Variants in PPARGC1A observed in about 807,000 individuals in gnomAD.
PPARGC1A encodes the protein peroxisome proliferator-activated receptor gamma coactivator 1-alpha.
In PPARGC1A, 25 loss-of-function variants were observed where a neutral mutation model predicts 88.7. That is an observed-to-expected ratio of 0.28 (90% CI 0.21 to 0.39). The LOEUF is 0.39. Ranked by LOEUF, PPARGC1A falls within the 10% of genes least tolerant of loss-of-function variation. The probability of loss-of-function intolerance (pLI) is 1.00; values close to 1 mark genes in which losing one functional copy is unlikely to be tolerated. For missense variants in PPARGC1A, 880 were observed against 968.7 expected, an observed-to-expected ratio of 0.91 and a Z score of 1.22; for synonymous variants, 363 against 355.6, an observed-to-expected ratio of 1.02 and a Z score of -0.24.
At chr4:24,091,534 C>A in the PPARGC1A span, 1 of 985,226 alleles carries the variant, frequency 1.0e-6, no homozygotes, top group Non-Finnish European at 1.2e-6. Flanking sequence ...AGGTCTCATC[C>A]ATTGCTGATG....
chr4:24,188,448 C>T, the PPARGC1A span, among the ~76,000 whole-genome samples: 16 of 152,182 alleles, frequency 1.1e-4, no homozygotes, highest in Non-Finnish European at 1.5e-5. Context: ...TATGTAATAC[C>T]GCTGAACTAT....
chr4:23,795,692 G>GTTTTTT lies in PPARGC1A; in HGVS notation c.*129_*130insAAAAAA. The GTTTTTT allele has an allele frequency of 1.6e-6, 1 of 620,722 alleles. No homozygotes were observed. The highest frequency in any genetic ancestry group is 2.9e-5 in the East Asian group (1 of 34,134). The allele number at this position is 620,722 out of a possible 1,614,324, so 38.5% of individuals were successfully genotyped here. On this transcript the variant is annotated 3_prime_UTR_variant, in exon 13 of 13. Transcript: ENST00000264867. ...GTTCTTGTTGTATTGTTGTTGTTTT[G>GTTTTTT]TTTTGTTTTTGTACAGAGAGTGTAA...
At chr4:23,897,051 A>G (rs566038145) in intron 1 of PPARGC1A, among the ~76,000 whole-genome samples, 1 of 152,350 alleles carries the variant, frequency 6.6e-6, no homozygotes, top group African/African-American at 2.4e-5. Flanking sequence ...TTGGCTTCTC[A>G]AATATCACAA....
chr4:24,275,710 C>A, the PPARGC1A span, among the ~76,000 whole-genome samples: 1 of 152,180 alleles, frequency 6.6e-6, no homozygotes, highest in Admixed American at 6.5e-5. Context: ...AGAGCTAGTG[C>A]AGCATAAAAC....
At chr4:24,051,187 C>A in the PPARGC1A span, among the ~76,000 whole-genome samples, 148 of 58,610 alleles carry the variant, frequency 2.5e-3, no homozygotes, top group South Asian at 6.6e-3. Context: ...GACTCTGTCT[C>A]AAAAAAAAAA....
At chr4:23,847,215 C>T (rs1226775763) in intron 2 of PPARGC1A, among the ~76,000 whole-genome samples, 6 of 152,134 alleles carry the variant, frequency 3.9e-5, no homozygotes, top group Non-Finnish European at 8.8e-5. Flanking sequence ...TTGTTATGAT[C>T]TAATGTGTAG....
At chr4:24,284,322 A>C in the PPARGC1A span, among the ~76,000 whole-genome samples, 7 of 152,080 alleles carry the variant, frequency 4.6e-5, no homozygotes, top group Non-Finnish European at 1.5e-5. Context: ...ACAAACAAAC[A>C]AACAAACAAA....
Position 23,888,151 on chromosome 4 carries a change from C to T in PPARGC1A, c.54+1753G>A, listed in dbSNP as rs138149341. Among the ~76,000 whole-genome samples the T allele has an allele frequency of 6.9e-3, 1,052 of 152,298 alleles. 13 individuals carry two copies. Among genetic ancestry groups the T allele is most frequent in the African/African-American group, 0.024 (988 of 41,556 alleles). ...TACAGGCGGAGGTGATTCCCAGAGC[C>T]GCTGCCATGTAGGCAAAGCTTCTAG... is the stretch of plus-strand genomic sequence containing the variant. On this transcript the variant is annotated intron_variant, in intron 1 of 12. Transcript: ENST00000264867.
chr4:23,813,381 G>T (rs1472599351), intron 8 of PPARGC1A, among the ~76,000 whole-genome samples: 1 of 152,150 alleles, frequency 6.6e-6, no homozygotes, highest in Non-Finnish European at 1.5e-5. Flanking sequence ...GCTTTATCTT[G>T]CATGGATCTC....
chr4:24,053,158 A>C, the PPARGC1A span, among the ~76,000 whole-genome samples: 1 of 151,690 alleles, frequency 6.6e-6, no homozygotes, highest in African/African-American at 2.4e-5. Flanking sequence ...GGCGTGAGCC[A>C]CTGCGCCTGG....
the PPARGC1A span, among the ~76,000 whole-genome samples, chr4:24,138,432 C>G: frequency 6.6e-6 from 1 of 152,166 alleles, no homozygotes. Flanking sequence ...CCAGGGTATA[C>G]AGAACAAGCA....
the PPARGC1A span, among the ~76,000 whole-genome samples, chr4:24,317,432 C>A: frequency 1.3e-5 from 2 of 151,306 alleles, no homozygotes; most frequent in Non-Finnish European, 2.9e-5. Flanking sequence ...AACCAGGAAG[C>A]CTCAAAAAAC....
chr4:24,304,092 C>T, the PPARGC1A span, among the ~76,000 whole-genome samples: 5 of 152,232 alleles, frequency 3.3e-5, no homozygotes, highest in South Asian at 6.2e-4. Flanking sequence ...TCAGTCAACC[C>T]GAGGACAGAC....
chr4:23,800,828 C>T (rs1255784173), intron 12 of PPARGC1A, among the ~76,000 whole-genome samples: 1 of 151,656 alleles, frequency 6.6e-6, no homozygotes, highest in Non-Finnish European at 1.5e-5. Flanking sequence ...GCTTCAGTTT[C>T]CTTATCTGTA....
At chr4:24,193,898 G>A in the PPARGC1A span, among the ~76,000 whole-genome samples, 1 of 152,172 alleles carries the variant, frequency 6.6e-6, no homozygotes, top group South Asian at 2.1e-4. Context: ...GGAGGCCGAG[G>A]TGGGTGGATC....
chr4:24,238,434 T>C, the PPARGC1A span, among the ~76,000 whole-genome samples: 1,152 of 152,000 alleles, frequency 7.6e-3, 91 homozygotes, highest in East Asian at 0.18. Context: ...ACAATAAGAG[T>C]AGCCACTCAC....
At chr4:24,234,226 CTT>C in the PPARGC1A span, among the ~76,000 whole-genome samples, 4 of 152,176 alleles carry the variant, frequency 2.6e-5, no homozygotes, top group African/African-American at 9.7e-5. Context: ...TAGCTGGACA[CTT>C]TGGTAACTGA....
chr4:24,369,172 A>T, the PPARGC1A span, among the ~76,000 whole-genome samples: 1 of 152,200 alleles, frequency 6.6e-6, no homozygotes, highest in African/African-American at 2.4e-5. Flanking sequence ...GAACATGGAT[A>T]ACGGTCACCT....
the PPARGC1A span, among the ~76,000 whole-genome samples, chr4:24,234,738 T>G: frequency 6.6e-6 from 1 of 152,198 alleles, no homozygotes; most frequent in Non-Finnish European, 1.5e-5. Flanking sequence ...GGGAAAGTAA[T>G]GTATCCTGTT....
Sources: gnomAD v4.1 joint callset for allele counts (sites outside exome capture counted in the v4.1 genomes callset) on GRCh38, gnomAD v4.1.1 for gene constraint, MANE v1.5 for transcripts, NCBI Gene and HGNC (gene_info 2026-07-23, HGNC 2026-07-21) for gene names.